COL27A1: variants seen among roughly 807,000 people sequenced by gnomAD.
COL27A1 encodes the protein collagen type XXVII alpha 1 chain, also known as collagen alpha-1(XXVII) chain.
In COL27A1, 106 loss-of-function variants were observed where a neutral mutation model predicts 251.3. The observed-to-expected ratio is 0.42, with a 90% CI of 0.36 to 0.50. COL27A1 has a LOEUF of 0.50. COL27A1 is among the 20% of genes least tolerant of loss of function. The pLI is 0.00. For missense variants in COL27A1, 2,325 were observed against 2,522.8 expected (o/e 0.92, Z 1.68); for synonymous variants, 1,000 against 986.3 (o/e 1.01, Z -0.26).
rs1829490488 is a variant in COL27A1 at position 114,312,197 on chromosome 9, G to A, written c.*1502G>A. 6.6e-6 allele frequency: 1 copy of A among 152,154 alleles called. No homozygotes were observed. The highest frequency in any genetic ancestry group is 1.5e-5 in the Non-Finnish European group (1 of 68,024). The allele number at this position is 152,154 out of a possible 1,614,324, so 9.4% of individuals were successfully genotyped here. On this transcript the variant is annotated 3_prime_UTR_variant, in exon 61 of 61. Coordinates refer to ENST00000356083, the MANE Select transcript of COL27A1 (RefSeq NM_032888.4). Reference sequence around the variant, plus strand: ...CTCTCCTAAAGTTGTGTCTCTTTGGGAATTGGATTTGATTTTTATTATTTA... The same window carrying A: ...CTCTCCTAAAGTTGTGTCTCTTTGGAAATTGGATTTGATTTTTATTATTTA...
intron 12 of COL27A1, 116 bp downstream of exon 12, chr9:114,211,142 G>C: frequency 9.2e-7 from 1 of 1,090,376 alleles, no homozygotes; most frequent in South Asian, 1.3e-5. Flanking sequence ...TGCTTTGAGT[G>C]TGGGGGCCGC....
At position 114,178,312 on chromosome 9, in the gene COL27A1, C is replaced by T. The variant is rs1827625765; in HGVS notation, c.1930C>T (p.Leu644=). Residue 644 remains leucine, a synonymous_variant, in exon 4 of 61, where the codon CTA becomes TTA. Transcript: ENST00000356083. ...GLPGPPGLPG[L]PGIPGARGPR... is the part of the protein sequence containing the mutation. Reference sequence around the variant, plus strand: ...TCAGGGTCCCCCTGGGCTACCTGGGCTACCTGGAATCCCTGGTGCACGTGG... The same window carrying T: ...TCAGGGTCCCCCTGGGCTACCTGGGTTACCTGGAATCCCTGGTGCACGTGG... 2.5e-6 allele frequency: 4 copies of T among 1,613,944 alleles called. No homozygotes were observed. Among genetic ancestry groups the T allele is most frequent in the Non-Finnish European group, 3.4e-6 (4 of 1,179,976 alleles).
Position 114,288,512 on chromosome 9 carries a change from G to A in COL27A1, c.4044+1G>A. The A allele has an allele frequency of 6.2e-7, 1 of 1,604,184 alleles. No individual in the cohort carries two copies. Among genetic ancestry groups the A allele is most frequent in the Non-Finnish European group, 8.5e-7 (1 of 1,176,462 alleles). On this transcript the variant is annotated splice_donor_variant, in intron 42 of 60. Coordinates refer to ENST00000356083, the MANE Select transcript of COL27A1 (RefSeq NM_032888.4). LOFTEE classifies it high-confidence loss of function. ...GCCCCCTGGGCCACCTGGAGATCGGGTAAGCCCCCTCCCTCCCCTGGACCA... is the reference window on the plus strand; with the variant it reads ...GCCCCCTGGGCCACCTGGAGATCGGATAAGCCCCCTCCCTCCCCTGGACCA...
chr9:114,174,125 G>A (rs915247805), intron 3 of COL27A1, among the ~76,000 whole-genome samples: 5 of 152,176 alleles, frequency 3.3e-5, no homozygotes, highest in African/African-American at 1.2e-4. Flanking sequence ...TTACAGGCAT[G>A]TGCCACCATG....
At chr9:114,274,838 CTG>C (rs1835385363) in intron 36 of COL27A1, among the ~76,000 whole-genome samples, 1 of 151,632 alleles carries the variant, frequency 6.6e-6, no homozygotes, top group East Asian at 1.9e-4. Flanking sequence ...TTATTATTCA[CTG>C]TGTTTTTGTC....
At chr9:114,283,505 G>A (rs1007144822) in intron 39 of COL27A1, among the ~76,000 whole-genome samples, 12 of 151,966 alleles carry the variant, frequency 7.9e-5, no homozygotes, top group Non-Finnish European at 1.6e-4. Flanking sequence ...GGAGCCAGGA[G>A]AAGGAGGGCT....
intron 5 of COL27A1, among the ~76,000 whole-genome samples, chr9:114,184,538 C>T (rs570931293): frequency 1.5e-3 from 226 of 152,306 alleles, no homozygotes; most frequent in African/African-American, 5.1e-3. Context: ...GGTTCCTTTC[C>T]GGAAGGCAGG....
At chr9:114,302,279 C>T (rs1249753) in intron 56 of COL27A1, among the ~76,000 whole-genome samples, 171 bp downstream of exon 56, 3 of 151,950 alleles carry the variant, frequency 2.0e-5, no homozygotes. Context: ...AGCAACAGAA[C>T]GAGCCCTGGG....
chr9:114,288,440 G>A lies in COL27A1; in HGVS notation c.3988-15G>A, dbSNP rs1243116199. Reference sequence around the variant, plus strand: ...GAGCAGGCGGTTTGCCCTAAAGCTGGTTCTGTGTCCACAGGGGGAGCAGGG... The same window carrying A: ...GAGCAGGCGGTTTGCCCTAAAGCTGATTCTGTGTCCACAGGGGGAGCAGGG... On this transcript the variant is annotated splice_polypyrimidine_tract_variant and intron_variant, in intron 41 of 60. Transcript: ENST00000356083. 2 of 1,609,076 alleles carry A rather than the reference G, an allele frequency of 1.2e-6. No homozygotes were observed. Among genetic ancestry groups the A allele is most frequent in the African/African-American group, 2.7e-5 (2 of 74,938 alleles).
Position 114,162,790 on chromosome 9 carries a change from T to A in COL27A1, c.133+5T>A. On this transcript the variant is annotated splice_donor_5th_base_variant and intron_variant, in intron 2 of 60. Coordinates refer to ENST00000356083, the MANE Select transcript of COL27A1 (RefSeq NM_032888.4). ...CCACCCAAGGAGCTCCTGAAGGTAA[T>A]TCTCTCTTCTCTTTGTCCAGGGGGA... is the stretch of plus-strand genomic sequence containing the variant. 6.2e-7 allele frequency: 1 copy of A among 1,606,214 alleles called. No individual in the cohort carries two copies. Among genetic ancestry groups the A allele is most frequent in the Non-Finnish European group, 8.5e-7 (1 of 1,173,478 alleles).
intron 56 of COL27A1, among the ~76,000 whole-genome samples, chr9:114,304,155 T>A (rs749450264): frequency 6.6e-6 from 1 of 152,022 alleles, no homozygotes; most frequent in Non-Finnish European, 1.5e-5. Context: ...CGCCTCTCCT[T>A]GAGAACCACT....
chr9:114,214,943 C>T (rs1830621532), intron 12 of COL27A1, among the ~76,000 whole-genome samples: 1 of 152,252 alleles, frequency 6.6e-6, no homozygotes, highest in Non-Finnish European at 1.5e-5. Flanking sequence ...AGGGTCTCTA[C>T]GAGCAGGCTA....
At chr9:114,303,029 A>G (rs1263475531) in intron 56 of COL27A1, among the ~76,000 whole-genome samples, 2 of 152,208 alleles carry the variant, frequency 1.3e-5, no homozygotes, top group East Asian at 3.9e-4. Context: ...ACCATCCTCA[A>G]AGACAGAGTG....
intron 24 of COL27A1, 63 bp downstream of exon 24, chr9:114,245,973 C>G: frequency 6.8e-7 from 1 of 1,476,336 alleles, no homozygotes. Flanking sequence ...CTGTGCCAAG[C>G]CCTTTGCCCA....
chr9:114,184,155 C>T (rs1828151564), intron 5 of COL27A1, among the ~76,000 whole-genome samples: 1 of 152,212 alleles, frequency 6.6e-6, no homozygotes, highest in African/African-American at 2.4e-5. Flanking sequence ...AGGGGCCTCC[C>T]AGCTCAGCCT....
intron 57 of COL27A1, among the ~76,000 whole-genome samples, chr9:114,305,166 A>T (rs1828945161): frequency 6.6e-6 from 1 of 152,192 alleles, no homozygotes; most frequent in Non-Finnish European, 1.5e-5. Context: ...CCCCCTTTGC[A>T]GCCTTGCCTC....
intron 14 of COL27A1, among the ~76,000 whole-genome samples, chr9:114,225,654 C>T (rs947497101): frequency 7.9e-5 from 12 of 152,230 alleles, no homozygotes; most frequent in African/African-American, 2.2e-4. Flanking sequence ...GAGTCACCTA[C>T]GGTTTTCCAG....
chr9:114,288,922 G>C lies in COL27A1; in HGVS notation c.4107G>C (p.Glu1369Asp). Residue 1369 changes from glutamate to aspartate, a missense_variant, in exon 44 of 61, where the codon GAG becomes GAC. Physicochemically the swap from Glu to Asp is conservative, Grantham distance 45. Around this residue, in one of 4 missense-constraint regions of COL27A1, gnomAD observed 662 missense variants for 795.3 expected, o/e 0.83. Coordinates refer to ENST00000356083, the MANE Select transcript of COL27A1 (RefSeq NM_032888.4). ...EPGDPGYPGQ[E>D]GVQGLRGKPG... Reference sequence around the variant, plus strand: ...CTCTCTTTGGCTTCCAGGGACAGGAGGGTGTGCAAGGCCTCCGTGGAAAGC... The same window carrying C: ...CTCTCTTTGGCTTCCAGGGACAGGACGGTGTGCAAGGCCTCCGTGGAAAGC... The C allele has an allele frequency of 6.2e-7, 1 of 1,613,658 alleles. No homozygotes were observed. The highest frequency in any genetic ancestry group is 8.5e-7 in the Non-Finnish European group (1 of 1,179,988).
intron 48 of COL27A1, 148 bp from the exon 49 acceptor site, chr9:114,291,955 C>G (rs1827950790): frequency 1.4e-6 from 1 of 709,454 alleles, no homozygotes; most frequent in African/African-American, 1.8e-5. Context: ...ACCCCTACCC[C>G]ACCAGGCCTC....
Sources: allele counts gnomAD v4.1 joint callset (sites outside exome capture counted in the v4.1 genomes callset), GRCh38; gene constraint gnomAD v4.1.1; regional missense constraint gnomAD v4.1.1; transcripts MANE v1.5; gene names NCBI Gene and HGNC (gene_info 2026-07-23, HGNC 2026-07-21).